NEBL: variants seen among roughly 807,000 people sequenced by gnomAD.
NEBL encodes LIM and SH3 protein 2.
In NEBL, 122 loss-of-function variants were observed where a neutral mutation model predicts 140.2. The observed-to-expected ratio is 0.87, with a 90% CI of 0.75 to 1.01. The LOEUF (loss-of-function observed/expected upper bound fraction) is 1.01, where lower values mean the gene tolerates loss of function less well. Among genes scored for constraint, NEBL ranks in the 50% least tolerant of loss-of-function variants. The pLI is 0.00. For synonymous variants in NEBL, 436 were observed against 398.9 expected (o/e 1.09, Z -1.11); for missense variants, 1,365 against 1,231.3 (o/e 1.11, Z -1.62).
chr10:21,081,421 C>A (rs935684791), intron 2 of NEBL, among the ~76,000 whole-genome samples: 9 of 152,266 alleles, frequency 5.9e-5, no homozygotes, highest in East Asian at 1.9e-4. Flanking sequence ...ATAGAAAAAA[C>A]CAGGAGCCAG....
intron 13 of NEBL, among the ~76,000 whole-genome samples, chr10:20,837,546 C>T (rs1007415765): frequency 3.9e-5 from 6 of 152,188 alleles, no homozygotes; most frequent in African/African-American, 1.4e-4. Flanking sequence ...GCAGCAAGTG[C>T]TGATGGAGAA....
intron 5 of NEBL, among the ~76,000 whole-genome samples, chr10:20,873,842 A>G (rs931771125): frequency 7.8e-4 from 119 of 152,184 alleles, no homozygotes; most frequent in Non-Finnish European, 3.7e-4. Context: ...TGATATCATA[A>G]CAAAATGTCA....
chr10:20,944,222 A>C (rs932925821), intron 4 of NEBL, among the ~76,000 whole-genome samples: 3 of 152,136 alleles, frequency 2.0e-5, no homozygotes, highest in African/African-American at 7.2e-5. Flanking sequence ...CACCCTGGTG[A>C]AACCCCGTCT....
intron 3 of NEBL, among the ~76,000 whole-genome samples, chr10:21,218,567 G>A (rs1452746805): frequency 6.6e-6 from 1 of 152,178 alleles, no homozygotes; most frequent in African/African-American, 2.4e-5. Context: ...AGGAAAAAAT[G>A]CAGGAGTGTT....
chr10:21,176,833 A>AT (rs947784102), upstream of NEBL, among the ~76,000 whole-genome samples: 5 of 152,044 alleles, frequency 3.3e-5, no homozygotes, highest in South Asian at 2.1e-4. Flanking sequence ...ATAAAGTTGA[A>AT]TTTTTTTTAG....
intron 2 of NEBL, among the ~76,000 whole-genome samples, chr10:21,163,724 C>T (rs989677363): frequency 2.0e-5 from 3 of 152,162 alleles, no homozygotes; most frequent in African/African-American, 7.2e-5. Flanking sequence ...TGAGCTGATG[C>T]AGAAGTACAA....
chr10:21,183,038 G>A (rs1841410444), intron 3 of NEBL, among the ~76,000 whole-genome samples: 1 of 152,102 alleles, frequency 6.6e-6, no homozygotes, highest in Non-Finnish European at 1.5e-5. Context: ...ACAGGGCCAG[G>A]GTCAAAGAAC....
intron 2 of NEBL, among the ~76,000 whole-genome samples, chr10:21,155,410 C>T (rs1175880218): frequency 6.6e-6 from 1 of 152,196 alleles, no homozygotes; most frequent in South Asian, 2.1e-4. Flanking sequence ...CCATTAACAT[C>T]CCCACCTCCT....
chr10:21,096,608 G>A (rs544176851), intron 2 of NEBL, among the ~76,000 whole-genome samples: 1 of 151,638 alleles, frequency 6.6e-6, no homozygotes, highest in East Asian at 2.0e-4. Flanking sequence ...CAAGCTCCTG[G>A]GCTCATGCAA....
intron 2 of NEBL, among the ~76,000 whole-genome samples, chr10:21,157,387 T>C (rs979685316): frequency 1.3e-5 from 2 of 152,026 alleles, no homozygotes; most frequent in Non-Finnish European, 2.9e-5. Flanking sequence ...CTGGGCAACA[T>C]GGTGAAACCC....
chr10:21,061,840 T>C (rs867374611), intron 2 of NEBL, among the ~76,000 whole-genome samples: 1 of 152,164 alleles, frequency 6.6e-6, no homozygotes, highest in Non-Finnish European at 1.5e-5. Flanking sequence ...TGTACTTGGG[T>C]CACCTCTGTA....
chr10:20,897,102 T>C, intron 1 of NEBL, 23 bp downstream of exon 1: 1 of 1,587,994 alleles, frequency 6.3e-7, no homozygotes, highest in Non-Finnish European at 8.6e-7. Flanking sequence ...AACGCTGGTC[T>C]GAGTATGTGT....
intron 19 of NEBL, 103 bp from the exon 20 acceptor site, chr10:20,819,619 A>G: frequency 7.4e-7 from 1 of 1,351,368 alleles, no homozygotes; most frequent in Middle Eastern, 1.8e-4. Context: ...CAGAACATTC[A>G]TTAATAAGAT....
intron 26 of NEBL, among the ~76,000 whole-genome samples, chr10:20,794,026 C>G (rs959156561): frequency 6.6e-6 from 1 of 152,168 alleles, no homozygotes; most frequent in African/African-American, 2.4e-5. Flanking sequence ...TCTGTGGAGG[C>G]GAATGTTTGA....
Position 20,781,734 on chromosome 10 carries a change from C to G in NEBL, c.*4013G>C, listed in dbSNP as rs1835049789. On this transcript the variant is annotated 3_prime_UTR_variant, in exon 28 of 28. Transcript: ENST00000377122. ...ACAGAAGCAACATACAATGCCTTGA[C>G]TTTTTTGATCAACAGTTGACAGTTA... The G allele has an allele frequency of 2.6e-5, 4 of 152,688 alleles. No homozygotes were observed. In the South Asian group the frequency reaches 8.3e-4, roughly 32 times the overall value. The allele number at this position is 152,688 out of a possible 1,614,324, so 9.5% of individuals were successfully genotyped here. A position where few individuals can be genotyped will look rare whatever the true frequency, so the allele number is the denominator to read the frequency against.
intron 3 of NEBL, among the ~76,000 whole-genome samples, chr10:21,187,784 G>T (rs1309078130): frequency 6.6e-6 from 1 of 152,170 alleles, no homozygotes; most frequent in Non-Finnish European, 1.5e-5. Flanking sequence ...AAAGTGCTGG[G>T]ATTACAGATG....
chr10:21,002,877 ACCATATCAT>A (rs905621268), intron 3 of NEBL, among the ~76,000 whole-genome samples: 3 of 152,036 alleles, frequency 2.0e-5, no homozygotes, highest in Non-Finnish European at 4.4e-5. Context: ...ACAGAGCTAA[ACCATATCAT>A]CAATTAGTGA....
chr10:21,111,832 T>C (rs1284693225), intron 2 of NEBL, among the ~76,000 whole-genome samples: 1 of 151,590 alleles, frequency 6.6e-6, no homozygotes, highest in Non-Finnish European at 1.5e-5. Context: ...ATCTTTGCAA[T>C]CTGCCCATCT....
At chr10:21,245,087 C>G (rs149343817) in intron 3 of NEBL, among the ~76,000 whole-genome samples, 1 of 152,240 alleles carries the variant, frequency 6.6e-6, no homozygotes, top group Non-Finnish European at 1.5e-5. Flanking sequence ...TCACTTGAGC[C>G]TGGGTGGTTG....
Sources: gnomAD v4.1 joint callset for allele counts (sites outside exome capture counted in the v4.1 genomes callset) on GRCh38, gnomAD v4.1.1 for gene constraint, MANE v1.5 for transcripts, NCBI Gene and HGNC (gene_info 2026-07-23, HGNC 2026-07-21) for gene names.